The following CACNA2D3 variants were observed in gnomAD, a reference collection of about 807,000 sequenced individuals.
CACNA2D3 encodes calcium voltage-gated channel auxiliary subunit alpha2delta 3.
Under a neutral mutation model 160.6 loss-of-function variants are expected in CACNA2D3, and 60 were observed. The ratio of observed to expected loss-of-function variants is 0.37; its 90% CI spans 0.30 to 0.46. CACNA2D3 has a LOEUF of 0.46. CACNA2D3 is among the 20% of genes least tolerant of loss of function. The pLI is 1.00. For synonymous variants in CACNA2D3, 558 were observed against 492.9 expected, an observed-to-expected ratio of 1.13 and a Z score of -1.75; for missense variants, 1,205 against 1,365.0, an observed-to-expected ratio of 0.88 and a Z score of 1.85.
intron 11 of CACNA2D3, among the ~76,000 whole-genome samples, chr3:54,719,392 G>T (rs529977706): frequency 6.6e-6 from 1 of 151,518 alleles, no homozygotes; most frequent in Admixed American, 6.6e-5. Flanking sequence ...GAATTTTGTC[G>T]AGTGCTTGTG....
At chr3:54,852,666 G>A (rs1285462809) in intron 17 of CACNA2D3, among the ~76,000 whole-genome samples, 2 of 152,136 alleles carry the variant, frequency 1.3e-5, no homozygotes, top group Non-Finnish European at 2.9e-5. Context: ...AGTGGTTATA[G>A]ATGGGTCCTC....
At chr3:54,713,971 G>C (rs922505728) in intron 11 of CACNA2D3, among the ~76,000 whole-genome samples, 2 of 152,170 alleles carry the variant, frequency 1.3e-5, no homozygotes, top group Admixed American at 1.3e-4. Flanking sequence ...GATGGTTTTT[G>C]AATCTTCTTG....
intron 5 of CACNA2D3, among the ~76,000 whole-genome samples, chr3:54,534,828 G>A (rs984143147): frequency 2.0e-5 from 3 of 152,132 alleles, no homozygotes; most frequent in Non-Finnish European, 2.9e-5. Flanking sequence ...TTAAGAGGCT[G>A]TGGTGGGAGA....
At chr3:54,384,519 C>G (rs995422687) in intron 3 of CACNA2D3, among the ~76,000 whole-genome samples, 2 of 152,072 alleles carry the variant, frequency 1.3e-5, no homozygotes, top group African/African-American at 4.8e-5. Context: ...CCACATGATC[C>G]CAGAAGGCTT....
intron 12 of CACNA2D3, among the ~76,000 whole-genome samples, chr3:54,755,183 G>C (rs1701948387): frequency 6.6e-6 from 1 of 152,126 alleles, no homozygotes; most frequent in African/African-American, 2.4e-5. Flanking sequence ...TCTAAATTCT[G>C]ATTTCACGTC....
At chr3:54,979,299 T>A (rs1162271665) in intron 29 of CACNA2D3, among the ~76,000 whole-genome samples, 1 of 152,200 alleles carries the variant, frequency 6.6e-6, no homozygotes, top group Non-Finnish European at 1.5e-5. Context: ...TAAGTCAAGT[T>A]TGATTCCTTA....
chr3:54,785,924 C>T lies in CACNA2D3; in HGVS notation c.1380+21573C>T, dbSNP rs1253961068. 3.3e-5 allele frequency among the ~76,000 whole-genome samples: 5 copies of T among 152,186 alleles called. No individual in the cohort carries two copies. The East Asian group carries it at 9.6e-4, about 29-fold the overall frequency. On this transcript the variant is annotated intron_variant, in intron 13 of 37. Coordinates refer to ENST00000474759, the MANE Select transcript of CACNA2D3 (RefSeq NM_018398.3). ...CTGCCTGGAACATCCCTGCAGACTT[C>T]TAAGTGATCTTTTGGGTTCACTCTT...
At position 54,176,597 on chromosome 3, in the gene CACNA2D3, G is replaced by A. The variant is rs76449803; in HGVS notation, c.204+53003G>A. Among the ~76,000 whole-genome samples the A allele has an allele frequency of 5.1e-3, 773 of 152,302 alleles. 7 individuals carry two copies. The highest frequency in any genetic ancestry group is 0.018 in the African/African-American group (744 of 41,548). ...CAGCCTTAAAATCTGTTTCCCACGT[G>A]AGTCTGTATATTGTGGTGTCATTAG... On this transcript the variant is annotated intron_variant, in intron 2 of 37. Coordinates refer to ENST00000474759, the MANE Select transcript of CACNA2D3 (RefSeq NM_018398.3).
At chr3:54,400,861 C>T (rs985071412) in intron 4 of CACNA2D3, among the ~76,000 whole-genome samples, 1 of 151,934 alleles carries the variant, frequency 6.6e-6, no homozygotes, top group Non-Finnish European at 1.5e-5. Context: ...CAGGACATTG[C>T]CAAAGTAACA....
chr3:54,759,764 A>G (rs1465579882), intron 12 of CACNA2D3, among the ~76,000 whole-genome samples: 1 of 152,188 alleles, frequency 6.6e-6, no homozygotes, highest in Non-Finnish European at 1.5e-5. Flanking sequence ...CAAATAGCCC[A>G]TTAGAGTTAC....
intron 9 of CACNA2D3, among the ~76,000 whole-genome samples, chr3:54,616,042 C>T (rs1253181447): frequency 6.6e-6 from 1 of 152,208 alleles, no homozygotes; most frequent in Non-Finnish European, 1.5e-5. Flanking sequence ...CGGGCTACCT[C>T]CCCATACCCC....
chr3:54,947,402 G>A (rs1162872468), intron 27 of CACNA2D3, among the ~76,000 whole-genome samples: 1 of 152,170 alleles, frequency 6.6e-6, no homozygotes, highest in Non-Finnish European at 1.5e-5. Flanking sequence ...TGAGCAGGGA[G>A]AAAGAAAAAG....
At chr3:54,643,132 T>TCC (rs397718712) in intron 11 of CACNA2D3, among the ~76,000 whole-genome samples, 1 of 151,660 alleles carries the variant, frequency 6.6e-6, no homozygotes, top group Non-Finnish European at 1.5e-5. Context: ...CCTGACTGTC[T>TCC]ATAGGTACAC....
intron 35 of CACNA2D3, among the ~76,000 whole-genome samples, chr3:55,055,258 T>A (rs2107212493): frequency 6.6e-6 from 1 of 152,170 alleles, no homozygotes; most frequent in East Asian, 1.9e-4. Context: ...TAAGGTCCAG[T>A]TTCATTCTTT....
At chr3:54,428,642 A>G (rs1246645865) in intron 4 of CACNA2D3, among the ~76,000 whole-genome samples, 4 of 148,336 alleles carry the variant, frequency 2.7e-5, no homozygotes, top group Admixed American at 2.7e-4. Flanking sequence ...AATGGGCCTT[A>G]TTTCTGCTAT....
intron 2 of CACNA2D3, among the ~76,000 whole-genome samples, chr3:54,191,552 T>C (rs1166843877): frequency 6.6e-6 from 1 of 152,132 alleles, no homozygotes; most frequent in Non-Finnish European, 1.5e-5. Flanking sequence ...TTTTTGTCTG[T>C]GTTTTCAAGT....
At chr3:54,735,863 GAAA>G (rs912258943) in intron 11 of CACNA2D3, among the ~76,000 whole-genome samples, 1 of 147,726 alleles carries the variant, frequency 6.8e-6, no homozygotes, top group African/African-American at 2.5e-5. Context: ...AGAAAATTTG[GAAA>G]AAAAATAAAA....
intron 2 of CACNA2D3, among the ~76,000 whole-genome samples, chr3:54,318,111 A>G (rs1264305559): frequency 6.6e-6 from 1 of 151,466 alleles, no homozygotes; most frequent in Admixed American, 6.6e-5. Context: ...TTACTCTGCA[A>G]TAGGCTCCAT....
At chr3:55,037,741 G>C (rs1351427267) in intron 35 of CACNA2D3, among the ~76,000 whole-genome samples, 3 of 152,146 alleles carry the variant, frequency 2.0e-5, no homozygotes, top group African/African-American at 7.2e-5. Flanking sequence ...TGTCGTCTGT[G>C]ATGTCACTTC....
Sources: allele counts gnomAD v4.1 joint callset (sites outside exome capture counted in the v4.1 genomes callset), GRCh38; gene constraint gnomAD v4.1.1; transcripts MANE v1.5; gene names NCBI Gene and HGNC (gene_info 2026-07-23, HGNC 2026-07-21).